The following ADGRL2 variants were observed in gnomAD, a reference collection of about 807,000 sequenced individuals.
ADGRL2 encodes calcium-independent alpha-latrotoxin receptor 2.
A neutral mutation model predicts 157.4 loss-of-function variants in ADGRL2; 44 were observed. The ratio of observed to expected loss-of-function variants is 0.28; its 90% CI spans 0.22 to 0.36. ADGRL2 has a LOEUF of 0.36. Ranked by LOEUF, ADGRL2 falls within the 10% of genes least tolerant of loss-of-function variation. ADGRL2 has a pLI of 1.00. For missense variants in ADGRL2, 1,510 were observed against 1,768.9 expected (o/e 0.85, Z 2.63); for synonymous variants, 585 against 624.7 (o/e 0.94, Z 0.95).
At chr1:81,960,714 C>T (rs1655071933) in intron 11 of ADGRL2, among the ~76,000 whole-genome samples, 1 of 152,098 alleles carries the variant, frequency 6.6e-6, no homozygotes, top group Non-Finnish European at 1.5e-5. Flanking sequence ...ATCAGGTGAT[C>T]CACCTACCTT....
chr1:81,477,079 A>G (rs1056074586), intron 2 of ADGRL2, among the ~76,000 whole-genome samples: 2 of 152,172 alleles, frequency 1.3e-5, no homozygotes, highest in Non-Finnish European at 2.9e-5. Flanking sequence ...TCTGTTCCTC[A>G]GATTGGTTGA....
intron 1 of ADGRL2, among the ~76,000 whole-genome samples, chr1:81,353,298 T>C (rs965960305): frequency 2.0e-5 from 3 of 152,146 alleles, no homozygotes; most frequent in Non-Finnish European, 4.4e-5. Flanking sequence ...TTTTATTCCA[T>C]AAATATTAGG....
At chr1:81,851,640 A>G (rs1456236049) in intron 2 of ADGRL2, among the ~76,000 whole-genome samples, 1 of 151,408 alleles carries the variant, frequency 6.6e-6, no homozygotes, top group Non-Finnish European at 1.5e-5. Context: ...CTTTTTCTTA[A>G]TTACTTTACT....
At chr1:81,406,262 A>T (rs1190424236) in intron 1 of ADGRL2, among the ~76,000 whole-genome samples, 1 of 152,196 alleles carries the variant, frequency 6.6e-6, no homozygotes. Context: ...TCACCTTTCA[A>T]ATACAATTTA....
chr1:81,319,616 A>G (rs1660366963), intron 1 of ADGRL2, among the ~76,000 whole-genome samples: 1 of 152,210 alleles, frequency 6.6e-6, no homozygotes, highest in Non-Finnish European at 1.5e-5. Flanking sequence ...GGAATTATGA[A>G]TGTTTCTAGT....
At chr1:81,736,197 T>C (rs2084896848) in intron 1 of ADGRL2, among the ~76,000 whole-genome samples, 1 of 151,394 alleles carries the variant, frequency 6.6e-6, no homozygotes, top group Non-Finnish European at 1.5e-5. Context: ...CTCTATGTTA[T>C]GGTCATTCTA....
intron 14 of ADGRL2, among the ~76,000 whole-genome samples, chr1:81,968,767 C>G (rs958813436): frequency 6.6e-6 from 1 of 152,134 alleles, no homozygotes; most frequent in Admixed American, 6.5e-5. Context: ...TACAAAACCC[C>G]AAGGAGAAAA....
rs115220810 is a variant in ADGRL2 at position 81,373,389 on chromosome 1, C to T, written c.-302+66880C>T. 8.7e-3 allele frequency among the ~76,000 whole-genome samples: 1,326 copies of T among 152,126 alleles called. 16 individuals are homozygous for T. Among genetic ancestry groups the T allele is most frequent in the Admixed American group, 0.014 (214 of 15,276 alleles). ...TCAAACATTTCCATCTTCAATTTTCCCAATGAGTTCCACATATATTCTTTG... is the reference window on the plus strand; with the variant it reads ...TCAAACATTTCCATCTTCAATTTTCTCAATGAGTTCCACATATATTCTTTG... On this transcript the variant is annotated intron_variant, in intron 1 of 24. Coordinates refer to the ADGRL2 transcript ENST00000370721.
chr1:81,692,793 G>A (rs1397770641), intron 3 of ADGRL2, among the ~76,000 whole-genome samples: 3 of 152,144 alleles, frequency 2.0e-5, no homozygotes, highest in African/African-American at 7.2e-5. Flanking sequence ...TCAATTAGAT[G>A]TCAATAGTTT....
At chr1:81,367,959 G>T (rs538214267) in intron 1 of ADGRL2, among the ~76,000 whole-genome samples, 1 of 152,108 alleles carries the variant, frequency 6.6e-6, no homozygotes, top group Non-Finnish European at 1.5e-5. Context: ...CCATGACTTC[G>T]CTATTGTGAA....
chr1:81,887,600 A>C (rs547674264), intron 2 of ADGRL2, among the ~76,000 whole-genome samples: 56 of 152,246 alleles, frequency 3.7e-4, no homozygotes, highest in Non-Finnish European at 6.3e-4. Context: ...ACCGGGCTGC[A>C]TGATCCTAAA....
At chr1:81,410,104 C>T (rs2076922529) in intron 1 of ADGRL2, among the ~76,000 whole-genome samples, 1 of 152,182 alleles carries the variant, frequency 6.6e-6, no homozygotes, top group Admixed American at 6.5e-5. Flanking sequence ...AAAGTCAGCC[C>T]AAACCCTTTC....
chr1:81,831,370 T>C (rs1571515240), intron 1 of ADGRL2, among the ~76,000 whole-genome samples: 1 of 152,226 alleles, frequency 6.6e-6, no homozygotes, highest in Admixed American at 6.5e-5. Context: ...ACCTAAGGGA[T>C]GTTTAGCTCA....
intron 17 of ADGRL2, among the ~76,000 whole-genome samples, chr1:81,974,593 C>T (rs140593911): frequency 3.3e-5 from 5 of 152,224 alleles, no homozygotes; most frequent in East Asian, 1.9e-4. Flanking sequence ...AGGGTCAGAA[C>T]GTGCACAGTT....
At chr1:81,419,977 T>C (rs6662314) in intron 1 of ADGRL2, among the ~76,000 whole-genome samples, 58,077 of 152,044 alleles carry the variant, frequency 0.38, 11,194 homozygotes, top group East Asian at 0.49. Flanking sequence ...TAGGCAACAG[T>C]TGTTGTCCAG....
chr1:81,556,591 A>G (rs1007467463), intron 2 of ADGRL2, among the ~76,000 whole-genome samples: 3 of 152,072 alleles, frequency 2.0e-5, no homozygotes, highest in African/African-American at 4.8e-5. Flanking sequence ...TGTCACACTA[A>G]CAGTCTAAAC....
At position 81,487,114 on chromosome 1, in the gene ADGRL2, GT is replaced by G. The variant is rs1279656785; in HGVS notation, c.-248+42026del. Among the ~76,000 whole-genome samples the G allele has an allele frequency of 6.5e-3, 618 of 94,804 alleles. 1 individual carries two copies. Among genetic ancestry groups the G allele is most frequent in the Non-Finnish European group, 9.6e-3 (423 of 44,142 alleles). 62.2% of individuals were successfully genotyped at this position (94,804 alleles called of 152,430 possible). ...TACAAAAAAAAAAAAAAAAAAGAAA[GT>G]AAATCAGCCAGGTGTGGTGGTGCTC... On this transcript the variant is annotated intron_variant, in intron 2 of 24. Transcript: ENST00000370721.
intron 2 of ADGRL2, among the ~76,000 whole-genome samples, chr1:81,453,905 T>C (rs1016231835): frequency 3.3e-5 from 5 of 152,152 alleles, no homozygotes; most frequent in African/African-American, 1.2e-4. Flanking sequence ...ACCAGCTCAG[T>C]TTTGGAAGGA....
At chr1:81,708,331 A>C (rs1384953572) in intron 1 of ADGRL2, among the ~76,000 whole-genome samples, 2 of 152,206 alleles carry the variant, frequency 1.3e-5, no homozygotes, top group Non-Finnish European at 2.9e-5. Context: ...TACCAAATTT[A>C]AGCATTTGTC....
Sources: gnomAD v4.1 joint callset for allele counts (sites outside exome capture counted in the v4.1 genomes callset) on GRCh38, gnomAD v4.1.1 for gene constraint, MANE v1.5 for transcripts, NCBI Gene and HGNC (gene_info 2026-07-23, HGNC 2026-07-21) for gene names.